Variants in ROBO2 observed in about 807,000 individuals in gnomAD.
The protein encoded by ROBO2 is roundabout homolog 2.
In ROBO2, 53 loss-of-function variants were observed where a neutral mutation model predicts 160.8. The ratio of observed to expected loss-of-function variants is 0.33; its 90% CI spans 0.26 to 0.41. The LOEUF is 0.41. ROBO2 is among the 10% of genes least tolerant of loss of function. ROBO2 has a pLI of 1.00. For missense variants in ROBO2, 1,577 were observed against 1,722.4 expected (o/e 0.92, Z 1.49); for synonymous variants, 664 against 611.7 (o/e 1.09, Z -1.26).
At chr3:77,484,904 C>G (rs924003327) in intron 4 of ROBO2, among the ~76,000 whole-genome samples, 3 of 151,970 alleles carry the variant, frequency 2.0e-5, no homozygotes, top group Admixed American at 6.6e-5. Flanking sequence ...TAATAATAAA[C>G]CCATTTTCCC....
intron 1 of ROBO2, among the ~76,000 whole-genome samples, chr3:77,073,951 A>G (rs2067676468): frequency 6.6e-6 from 1 of 152,190 alleles, no homozygotes; most frequent in Admixed American, 6.5e-5. Context: ...TGTTAACTAG[A>G]TTACATGTTT....
intron 2 of ROBO2, among the ~76,000 whole-genome samples, chr3:76,037,941 T>C (rs1344398601): frequency 6.6e-6 from 1 of 152,006 alleles, no homozygotes; most frequent in African/African-American, 2.4e-5. Flanking sequence ...AGAGAGGAAC[T>C]TAAGGAAGAA....
chr3:77,151,681 A>T (rs145433548), intron 2 of ROBO2, among the ~76,000 whole-genome samples: 1 of 152,180 alleles, frequency 6.6e-6, no homozygotes, highest in Non-Finnish European at 1.5e-5. Flanking sequence ...AGTGCCCAAC[A>T]CATTTTTAAA....
chr3:76,944,855 C>A (rs1166729657), intron 2 of ROBO2, among the ~76,000 whole-genome samples: 1 of 151,616 alleles, frequency 6.6e-6, no homozygotes, highest in Non-Finnish European at 1.5e-5. Context: ...GCCAGCAGGT[C>A]CTGTGGCCCT....
intron 2 of ROBO2, among the ~76,000 whole-genome samples, chr3:76,141,147 CTCTCTCTCTCTCTATATATA>C (rs1297679993): frequency 3.7e-4 from 21 of 56,332 alleles, no homozygotes; most frequent in African/African-American, 9.6e-4. Flanking sequence ...CTCTCTCTCT[CTCTCTCTCTCTCTATATATA>C]TATATATATA....
chr3:76,736,897 T>C (rs1022207686), intron 2 of ROBO2, among the ~76,000 whole-genome samples: 4 of 152,186 alleles, frequency 2.6e-5, no homozygotes, highest in Non-Finnish European at 5.9e-5. Context: ...TTGTCGACAG[T>C]AAATGGTAAT....
chr3:77,293,496 C>G (rs1234941248), intron 2 of ROBO2, among the ~76,000 whole-genome samples: 1 of 141,088 alleles, frequency 7.1e-6, no homozygotes, highest in Non-Finnish European at 1.5e-5. Context: ...CTAGATCACC[C>G]CAGACATAAA....
intron 2 of ROBO2, among the ~76,000 whole-genome samples, chr3:76,792,377 G>A (rs2063416655): frequency 1.3e-5 from 2 of 151,536 alleles, no homozygotes; most frequent in Admixed American, 1.3e-4. Flanking sequence ...GTATCCTCGG[G>A]GGTCCTGGGA....
intron 2 of ROBO2, among the ~76,000 whole-genome samples, chr3:76,649,296 G>A (rs993524544): frequency 6.6e-6 from 1 of 152,124 alleles, no homozygotes; most frequent in Admixed American, 6.5e-5. Flanking sequence ...GGCCAGCAGA[G>A]TGCTATGTTG....
intron 2 of ROBO2, among the ~76,000 whole-genome samples, chr3:76,250,948 G>C (rs1344790858): frequency 6.6e-6 from 1 of 151,918 alleles, no homozygotes; most frequent in Admixed American, 6.6e-5. Context: ...TGAATTATTA[G>C]AGCTGTGTAA....
chr3:77,066,353 A>C (rs568359669), intron 1 of ROBO2, among the ~76,000 whole-genome samples: 1 of 152,308 alleles, frequency 6.6e-6, no homozygotes, highest in African/African-American at 2.4e-5. Context: ...ATTATATTAG[A>C]TGTCAAAAGA....
intron 23 of ROBO2, among the ~76,000 whole-genome samples, chr3:77,623,512 C>G (rs1398058039): frequency 6.6e-6 from 1 of 152,188 alleles, no homozygotes; most frequent in Non-Finnish European, 1.5e-5. Flanking sequence ...CCTCTGTATT[C>G]CTCCCTGAAT....
At chr3:77,405,481 G>C (rs1430741581) in intron 2 of ROBO2, among the ~76,000 whole-genome samples, 1 of 152,000 alleles carries the variant, frequency 6.6e-6, no homozygotes, top group African/African-American at 2.4e-5. Context: ...TAGCAGTTAT[G>C]TCTTTAAAGT....
At chr3:76,476,386 G>A (rs568257423) in intron 2 of ROBO2, among the ~76,000 whole-genome samples, 6 of 151,926 alleles carry the variant, frequency 3.9e-5, no homozygotes, top group Non-Finnish European at 7.4e-5. Flanking sequence ...ATCTGTCCCT[G>A]GCAGCTGAGG....
At chr3:75,919,243 A>G (rs1055847884) in intron 1 of ROBO2, among the ~76,000 whole-genome samples, 1 of 152,084 alleles carries the variant, frequency 6.6e-6, no homozygotes, top group African/African-American at 2.4e-5. Flanking sequence ...AGTTTTTAGT[A>G]TGAGGGGTGT....
intron 2 of ROBO2, among the ~76,000 whole-genome samples, chr3:76,978,874 C>CT (rs202143795): frequency 0.033 from 4,877 of 149,114 alleles, 104 homozygotes; most frequent in Non-Finnish European, 0.051. Flanking sequence ...TCTTGTTTTA[C>CT]TTTTTTTTGT....
chr3:76,768,136 A>C (rs171972), intron 2 of ROBO2, among the ~76,000 whole-genome samples: 127,862 of 151,240 alleles, frequency 0.85, 54,167 homozygotes, highest in African/African-American at 0.87. Flanking sequence ...ACATATTAAT[A>C]AAATGTTTGA....
chr3:77,642,745 A>G, intron 24 of ROBO2: 2 of 456,728 alleles, frequency 4.4e-6, no homozygotes, highest in South Asian at 3.1e-5. Context: ...GCAGGCTGGT[A>G]ACGTGGAAAA....
intron 2 of ROBO2, among the ~76,000 whole-genome samples, chr3:76,356,371 A>G (rs1330219085): frequency 1.3e-5 from 2 of 151,698 alleles, no homozygotes; most frequent in Admixed American, 6.6e-5. Context: ...AGAATTAAGA[A>G]AAAAAAGCCA....
Sources: gnomAD v4.1 joint callset for allele counts (sites outside exome capture counted in the v4.1 genomes callset) on GRCh38, gnomAD v4.1.1 for gene constraint, MANE v1.5 for transcripts, NCBI Gene and HGNC (gene_info 2026-07-23, HGNC 2026-07-21) for gene names.